SGCE: variants seen among roughly 807,000 people sequenced by gnomAD.
SGCE encodes the protein sarcoglycan epsilon.
SGCE carries 26 observed loss-of-function variants against 57.8 expected under a neutral mutation model. That is an observed-to-expected ratio of 0.45 (90% confidence interval 0.33 to 0.62). The LOEUF (loss-of-function observed/expected upper bound fraction) is 0.62. SGCE is among the 20% of genes least tolerant of loss of function. The pLI is 0.02. For synonymous variants in SGCE, 183 were observed against 189.5 expected (o/e 0.97, Z 0.28); for missense variants, 468 against 548.6 (o/e 0.85, Z 1.47).
chr7:94,612,651 G>T (rs1415035680), intron 5 of SGCE, among the ~76,000 whole-genome samples: 1 of 152,110 alleles, frequency 6.6e-6, no homozygotes. Context: ...CTAAAAGAGA[G>T]GTCTAGAAGT....
At chr7:94,614,107 CAAAAAAAA>C (rs925650428) in intron 5 of SGCE, among the ~76,000 whole-genome samples, 6 of 94,964 alleles carry the variant, frequency 6.3e-5, no homozygotes, top group African/African-American at 9.7e-5. Flanking sequence ...AAATTGAAAT[CAAAAAAAA>C]AAAAAAAAAA....
intron 6 of SGCE, 46 bp from the exon 7 acceptor site, chr7:94,600,903 CATT>C (rs1433652094): frequency 2.8e-6 from 4 of 1,454,216 alleles, no homozygotes; most frequent in Non-Finnish European, 2.9e-6. Flanking sequence ...TCGTTGCAAA[CATT>C]ATGAGATTTT....
chr7:94,633,380 A>T (rs1052339927), intron 1 of SGCE, among the ~76,000 whole-genome samples: 2 of 152,142 alleles, frequency 1.3e-5, no homozygotes, highest in East Asian at 3.8e-4. Flanking sequence ...TTTTTTAAGT[A>T]ATAATTACAT....
At chr7:94,631,791 T>C (rs953929190) in intron 1 of SGCE, among the ~76,000 whole-genome samples, 11 of 151,944 alleles carry the variant, frequency 7.2e-5, no homozygotes, top group Admixed American at 2.6e-4. Context: ...ACTCTGTATA[T>C]CAAAGTATTT....
At chr7:94,607,840 T>C (rs1390539751) in intron 5 of SGCE, among the ~76,000 whole-genome samples, 1 of 152,324 alleles carries the variant, frequency 6.6e-6, no homozygotes. Context: ...AAATACTGTC[T>C]TTCTTTGCAG....
chr7:94,585,059 A>C lies in SGCE; in HGVS notation c.*440T>G, dbSNP rs965816285. The C allele has an allele frequency of 1.2e-5, 2 of 160,826 alleles. No individual in the cohort carries two copies. Among genetic ancestry groups the C allele is most frequent in the Non-Finnish European group, 2.7e-5 (2 of 73,444 alleles). The allele number at this position is 160,826 out of a possible 1,614,324, so 10.0% of individuals were successfully genotyped here. On this transcript the variant is annotated 3_prime_UTR_variant, in exon 11 of 11. Coordinates refer to ENST00000648936, the MANE Select transcript of SGCE (RefSeq NM_003919.3). Reference sequence around the variant, plus strand: ...GCCACAAGAGTTAAAGTATTATTTAAATGGGTTGCTCAACTGGAACACGGA... The same window carrying C: ...GCCACAAGAGTTAAAGTATTATTTACATGGGTTGCTCAACTGGAACACGGA...
At position 94,634,151 on chromosome 7, in the gene SGCE, A is replaced by G. The variant is rs1720268892; in HGVS notation, c.110-4310T>C. Among the ~76,000 whole-genome samples, 3 of 152,298 alleles carry G rather than the reference A, an allele frequency of 2.0e-5. No homozygotes were observed. The South Asian group carries it at 6.2e-4, about 32-fold the overall frequency. ...TCTCTCTTATAGATGCTTTATTAAT[A>G]AACTAATCACTTTAAAATGTCCATT... On this transcript the variant is annotated intron_variant, in intron 1 of 10. Coordinates refer to ENST00000648936, the MANE Select transcript of SGCE (RefSeq NM_003919.3).
intron 1 of SGCE, among the ~76,000 whole-genome samples, chr7:94,630,629 A>T (rs1308465080): frequency 6.6e-6 from 1 of 151,936 alleles, no homozygotes; most frequent in Non-Finnish European, 1.5e-5. Context: ...TGTTTTGATT[A>T]GTTTCCACTT....
chr7:94,651,279 CCTATTT>C (rs1807834747), intron 1 of SGCE, among the ~76,000 whole-genome samples: 1 of 152,198 alleles, frequency 6.6e-6, no homozygotes, highest in Non-Finnish European at 1.5e-5. Flanking sequence ...TAAATTGTTA[CCTATTT>C]CTAACAGCTA....
At chr7:94,596,691 G>T (rs1378430123) in intron 9 of SGCE, among the ~76,000 whole-genome samples, 1 of 152,062 alleles carries the variant, frequency 6.6e-6, no homozygotes, top group East Asian at 1.9e-4. Flanking sequence ...CTTCTTAAAA[G>T]GGCATGCATT....
intron 5 of SGCE, among the ~76,000 whole-genome samples, chr7:94,607,472 T>G (rs1192623399): frequency 2.0e-5 from 3 of 152,300 alleles, no homozygotes; most frequent in South Asian, 4.1e-4. Context: ...AACTGGGACT[T>G]TCCCCAGTTA....
At chr7:94,590,954 A>G (rs1261082018) in intron 9 of SGCE, 1 of 152,100 alleles carries the variant, frequency 6.6e-6, no homozygotes, top group East Asian at 1.9e-4. Flanking sequence ...AGTTTTTTTT[A>G]ATGTTTCAGT....
rs1463429835 is a variant in SGCE at position 94,618,876 on chromosome 7, C to G, written c.544G>C (p.Asp182His). ...ACATTTTTCACTGCGCCAAGAAAGT[C>G]TCCAAGAACCTCACTGGCCAACATT... is the stretch of plus-strand genomic sequence containing the variant. ...EEMLASEVLG[D>H]FLGAVKNVWQ... Residue 182 changes from aspartate to histidine, a missense_variant, in exon 5 of 11, where the codon GAC (aspartate) becomes CAC (histidine). Asp to His is a moderately conservative substitution (Grantham distance 81, BLOSUM62 -1). Transcript: ENST00000648936. 3 of 1,614,030 alleles carry G rather than the reference C, an allele frequency of 1.9e-6. No individual in the cohort carries two copies. Among genetic ancestry groups the G allele is most frequent in the Non-Finnish European group, 2.5e-6 (3 of 1,179,932 alleles).
chr7:94,639,519 A>G, intron 1 of SGCE: 2 of 862,712 alleles, frequency 2.3e-6, no homozygotes, highest in African/African-American at 3.3e-5. Flanking sequence ...ACTGTCACAG[A>G]TCACCTACAA....
At chr7:94,631,201 C>G (rs1418267133) in intron 1 of SGCE, among the ~76,000 whole-genome samples, 1 of 151,946 alleles carries the variant, frequency 6.6e-6, no homozygotes, top group East Asian at 1.9e-4. Flanking sequence ...TACCCAACTT[C>G]TACTCAAGAA....
chr7:94,592,653 TAATA>T (rs1470418284), intron 9 of SGCE, among the ~76,000 whole-genome samples: 4 of 152,164 alleles, frequency 2.6e-5, no homozygotes, highest in African/African-American at 7.2e-5. Context: ...ACTTGCAAAT[TAATA>T]AATAAGTGAG....
intron 1 of SGCE, among the ~76,000 whole-genome samples, chr7:94,650,438 T>C (rs965507606): frequency 6.7e-6 from 1 of 148,646 alleles, no homozygotes; most frequent in African/African-American, 2.4e-5. Context: ...GTTAAGACAC[T>C]TTGCAGGGGG....
rs1879854 is a variant in SGCE, at chr7:94,628,684, A to G, written c.233-325T>C. 235,920 of 312,774 alleles carry G rather than the reference A, an allele frequency of 0.75. 89,720 individuals carry two copies. Among genetic ancestry groups the G allele is most frequent in the African/African-American group, 0.92 (42,599 of 46,172 alleles). The allele number at this position is 312,774 out of a possible 1,614,324, so 19.4% of individuals were successfully genotyped here. On this transcript the variant is annotated intron_variant, in intron 2 of 10. Transcript: ENST00000648936. ...TTCAGGAGAATTCCCTAATCATGCTAATGTACTCATTCTTTTGCGAAATAT... is the reference window on the plus strand; with the variant it reads ...TTCAGGAGAATTCCCTAATCATGCTGATGTACTCATTCTTTTGCGAAATAT...
chr7:94,628,514 G>A, intron 2 of SGCE, 155 bp from the exon 3 acceptor site: 1 of 586,276 alleles, frequency 1.7e-6, no homozygotes, highest in Non-Finnish European at 3.0e-6. Flanking sequence ...TTTAAATTAG[G>A]GCACCACGTT....
Sources: gnomAD v4.1 joint callset for allele counts (sites outside exome capture counted in the v4.1 genomes callset) on GRCh38, gnomAD v4.1.1 for gene constraint, MANE v1.5 for transcripts, NCBI Gene and HGNC (gene_info 2026-07-23, HGNC 2026-07-21) for gene names.